Variants in AKT3 observed in about 807,000 individuals in gnomAD.
AKT3 encodes the protein AKT serine/threonine kinase 3, also known as RAC-gamma serine/threonine-protein kinase.
AKT3 carries 15 observed loss-of-function variants against 65.3 expected under a neutral mutation model. That is an observed-to-expected ratio of 0.23 (90% CI 0.15 to 0.35). The LOEUF (loss-of-function observed/expected upper bound fraction) is 0.35, where lower values mean the gene tolerates loss of function less well. Among genes scored for constraint, AKT3 ranks in the 10% least tolerant of loss-of-function variants. The probability of loss-of-function intolerance (pLI) is 1.00; values close to 1 mark genes in which losing one functional copy is unlikely to be tolerated. For missense variants in AKT3, 243 were observed against 576.5 expected (o/e 0.42, Z 5.92); for synonymous variants, 206 against 183.8 (o/e 1.12, Z -0.98).
chr1:243,649,401 A>G (rs1681124394), intron 4 of AKT3, among the ~76,000 whole-genome samples: 1 of 151,556 alleles, frequency 6.6e-6, no homozygotes, highest in South Asian at 2.1e-4. Context: ...TTATGTGTAT[A>G]TATATATACA....
At chr1:243,564,637 C>T (rs985621956) in intron 9 of AKT3, among the ~76,000 whole-genome samples, 2 of 152,082 alleles carry the variant, frequency 1.3e-5, no homozygotes, top group African/African-American at 2.4e-5. Context: ...CAGTTCCCCT[C>T]GAGCTAATTT....
chr1:243,807,683 T>C (rs374615247), intron 2 of AKT3, among the ~76,000 whole-genome samples: 2 of 152,166 alleles, frequency 1.3e-5, no homozygotes, highest in East Asian at 3.8e-4. Context: ...TGGAAGACAG[T>C]AGTGGTTCTC....
chr1:243,750,388 C>T (rs1275502591), intron 2 of AKT3, among the ~76,000 whole-genome samples: 1 of 143,796 alleles, frequency 7.0e-6, no homozygotes, highest in African/African-American at 2.6e-5. Context: ...CTTCTCTCCC[C>T]TCTCACATGC....
intron 8 of AKT3, among the ~76,000 whole-genome samples, chr1:243,586,854 A>C (rs1223455783): frequency 2.0e-5 from 3 of 152,140 alleles, no homozygotes; most frequent in Non-Finnish European, 4.4e-5. Flanking sequence ...AACCTGCACA[A>C]GTACCTTCTT....
At chr1:243,652,296 C>T (rs749684053) in intron 4 of AKT3, among the ~76,000 whole-genome samples, 11 of 152,036 alleles carry the variant, frequency 7.2e-5, no homozygotes, top group African/African-American at 1.2e-4. Flanking sequence ...GTGATCCACC[C>T]GCCTTGGCCT....
rs559970408 is a variant in AKT3 at position 243,791,442 on chromosome 1, CCTCAAAAACG to C, written c.46+51673_46+51682del. On this transcript the variant is annotated intron_variant, in intron 2 of 13. Transcript: ENST00000673466. Reference sequence around the variant, plus strand: ...TCTTTGCTTCCAAAATTAAGTCCATCCTCAAAAACGCAATACGCCTAAAAACAACTCTGAT... The same window carrying C: ...TCTTTGCTTCCAAAATTAAGTCCATCCAATACGCCTAAAAACAACTCTGAT... 9.1e-4 allele frequency among the ~76,000 whole-genome samples: 138 copies of C among 152,170 alleles called. 3 individuals carry two copies. In the East Asian group the frequency reaches 0.025, roughly 28 times the overall value.
intron 12 of AKT3, among the ~76,000 whole-genome samples, chr1:243,527,899 A>AAGCAAGACTC (rs879360689): frequency 1.8e-5 from 2 of 108,596 alleles, no homozygotes; most frequent in African/African-American, 8.0e-5. Flanking sequence ...ACACACACAC[A>AAGCAAGACTC]CACACACACA....
At chr1:243,714,683 G>A (rs892861725) in intron 2 of AKT3, among the ~76,000 whole-genome samples, 2 of 152,036 alleles carry the variant, frequency 1.3e-5, no homozygotes, top group African/African-American at 2.4e-5. Flanking sequence ...TCTGGCACGG[G>A]GAGGAGAATA....
intron 2 of AKT3, among the ~76,000 whole-genome samples, chr1:243,820,486 G>A (rs762344560): frequency 1.1e-4 from 17 of 152,182 alleles, no homozygotes; most frequent in African/African-American, 3.4e-4. Flanking sequence ...TCAGAAGGTG[G>A]GTAATAACAA....
intron 3 of AKT3, among the ~76,000 whole-genome samples, chr1:243,685,513 C>T (rs1684225385): frequency 6.6e-6 from 1 of 152,048 alleles, no homozygotes; most frequent in South Asian, 2.1e-4. Context: ...ATTTCTGAGG[C>T]CTCTGTTGTG....
chr1:243,658,706 G>GTATT (rs1170796682), intron 4 of AKT3, among the ~76,000 whole-genome samples: 1 of 152,028 alleles, frequency 6.6e-6, no homozygotes, highest in East Asian at 1.9e-4. Flanking sequence ...TAGCCAAGAG[G>GTATT]TGGAAACAAT....
chr1:243,715,051 C>T (rs1686415407), intron 2 of AKT3, among the ~76,000 whole-genome samples: 1 of 152,018 alleles, frequency 6.6e-6, no homozygotes. Flanking sequence ...CACAAGTATC[C>T]TTCTGATCAA....
At chr1:243,777,005 C>T (rs538256722) in intron 2 of AKT3, among the ~76,000 whole-genome samples, 13 of 152,046 alleles carry the variant, frequency 8.6e-5, no homozygotes, top group African/African-American at 1.4e-4. Context: ...AAGTGTTACC[C>T]GAGTGGGTTA....
At chr1:243,810,858 C>T (rs1270687364) in intron 2 of AKT3, among the ~76,000 whole-genome samples, 1 of 152,156 alleles carries the variant, frequency 6.6e-6, no homozygotes, top group Admixed American at 6.5e-5. Flanking sequence ...CCCTGGGATG[C>T]AAGGCTGGTT....
chr1:243,548,302 C>T (rs1672816155), intron 11 of AKT3: 1 of 152,182 alleles, frequency 6.6e-6, no homozygotes, highest in African/African-American at 2.4e-5. Flanking sequence ...GAATCATAAT[C>T]ATTTTGTAAA....
intron 12 of AKT3, among the ~76,000 whole-genome samples, chr1:243,543,320 C>A (rs1672444244): frequency 1.3e-5 from 2 of 152,166 alleles, no homozygotes. Flanking sequence ...TAGCTGAACA[C>A]TGAGATAAGG....
At chr1:243,659,704 C>G (rs1187546299) in intron 4 of AKT3, among the ~76,000 whole-genome samples, 1 of 152,050 alleles carries the variant, frequency 6.6e-6, no homozygotes, top group Admixed American at 6.6e-5. Flanking sequence ...ATAGAGTCCA[C>G]CCTTATATCA....
intron 2 of AKT3, among the ~76,000 whole-genome samples, chr1:243,787,075 C>G (rs897024704): frequency 6.6e-6 from 1 of 152,138 alleles, no homozygotes; most frequent in Non-Finnish European, 1.5e-5. Context: ...ATCTAGAAAA[C>G]CTTGGTCCCA....
intron 2 of AKT3, among the ~76,000 whole-genome samples, chr1:243,732,566 G>A (rs780092061): frequency 5.9e-5 from 9 of 152,194 alleles, no homozygotes; most frequent in Admixed American, 4.6e-4. Context: ...AAAAGAGTTT[G>A]TGTACTGATA....
Sources: allele counts gnomAD v4.1 joint callset (sites outside exome capture counted in the v4.1 genomes callset), GRCh38; gene constraint gnomAD v4.1.1; transcripts MANE v1.5; gene names NCBI Gene and HGNC (gene_info 2026-07-23, HGNC 2026-07-21).